The following TMEM8B variants were observed in gnomAD, a reference collection of about 807,000 sequenced individuals.
TMEM8B encodes the protein transmembrane protein 8B.
In TMEM8B, 29 loss-of-function variants were observed where a neutral mutation model predicts 49.3. That is an observed-to-expected ratio of 0.59 (90% CI 0.44 to 0.80). The LOEUF is 0.80. Among genes scored for constraint, TMEM8B ranks in the 30% least tolerant of loss-of-function variants. TMEM8B has a pLI of 0.00. For synonymous variants in TMEM8B, 264 were observed against 272.8 expected, an observed-to-expected ratio of 0.97 and a Z score of 0.32; for missense variants, 575 against 658.5, an observed-to-expected ratio of 0.87 and a Z score of 1.39.
At chr9:35,838,994 C>T (rs907402330) in intron 3 of TMEM8B, among the ~76,000 whole-genome samples, 2 of 152,258 alleles carry the variant, frequency 1.3e-5, no homozygotes, top group Admixed American at 1.3e-4. Flanking sequence ...TGCTTTCACC[C>T]TTGCCCCCTG....
intron 3 of TMEM8B, 175 bp downstream of exon 3, chr9:35,835,393 G>C (rs981624438): frequency 5.0e-6 from 2 of 397,452 alleles, no homozygotes; most frequent in African/African-American, 2.1e-5. Flanking sequence ...CAGAGGCCAT[G>C]ATCTGGAGGA....
At chr9:35,851,173 T>C (rs1343253427) in intron 10 of TMEM8B, among the ~76,000 whole-genome samples, 3 of 152,206 alleles carry the variant, frequency 2.0e-5, no homozygotes, top group Non-Finnish European at 4.4e-5. Context: ...TGCAGTGGCA[T>C]GATCACAGCT....
rs1021545580 is a variant in TMEM8B at position 35,842,473 on chromosome 9, T to C, written c.1391T>C (p.Leu464Pro). 1.3e-6 allele frequency: 2 copies of C among 1,594,582 alleles called. No homozygotes were observed. The highest frequency in any genetic ancestry group is 8.6e-7 in the Non-Finnish European group (1 of 1,167,542). ...NMPQSLGNQP[L>P]PPEPPSLGTP... ...CCCCAGTCCCTGGGCAACCAGCCAC[T>C]GCCCCCAGAACCGCCATCCCTTGGA... The change falls in exon 6 of 13, where the codon CTG becomes CCG. Residue 464 changes from leucine (L) to proline (P), a missense_variant. Leu to Pro is a moderately conservative substitution (Grantham distance 98). Coordinates refer to ENST00000643932, the MANE Select transcript of TMEM8B (RefSeq NM_001042590.4). The surrounding 1 kb of genome is among the most constrained non-coding windows in gnomAD (Gnocchi z 5.6).
intron 10 of TMEM8B, among the ~76,000 whole-genome samples, 165 bp from the exon 11 acceptor site, chr9:35,852,659 ATTC>A (rs1407505491): frequency 6.6e-6 from 1 of 152,080 alleles, no homozygotes; most frequent in Non-Finnish European, 1.5e-5. Flanking sequence ...TCCTTACCAC[ATTC>A]TTCTCAGGAT....
chr9:35,829,283 G>A lies in TMEM8B; in HGVS notation c.-165G>A. 1 of 361,144 alleles carries A rather than the reference G, an allele frequency of 2.8e-6. No homozygotes were observed. Among genetic ancestry groups the A allele is most frequent in the South Asian group, 1.5e-4 (1 of 6,780 alleles). 22.4% of individuals were successfully genotyped at this position (361,144 alleles called of 1,614,324 possible). On this transcript the variant is annotated 5_prime_UTR_variant, in exon 1 of 13. Transcript: ENST00000643932. ...GGGGCCTGGTTATCGCCGGTTCAGC[G>A]CAGCCCGGAGTCGCCCAGGCCTGAA...
chr9:35,850,224 C>G (rs925775474), intron 10 of TMEM8B, among the ~76,000 whole-genome samples: 1 of 152,120 alleles, frequency 6.6e-6, no homozygotes, highest in Admixed American at 6.5e-5. Flanking sequence ...GCATTAGATG[C>G]ACTGTTACAA....
chr9:35,836,623 A>G (rs1031871549), intron 3 of TMEM8B, among the ~76,000 whole-genome samples: 2 of 152,188 alleles, frequency 1.3e-5, no homozygotes, highest in African/African-American at 4.8e-5. Flanking sequence ...TGGGGAATAG[A>G]GATAGTAGTG....
rs11392556 is a variant in TMEM8B, at chr9:35,858,108, C to CTT, written c.*4281_*4282dup. The CTT allele has an allele frequency of 8.8e-3, 1,255 of 142,094 alleles. 18 individuals are homozygous for CTT. The highest frequency in any genetic ancestry group is 0.025 in the African/African-American group (938 of 38,002). The allele number at this position is 142,094 out of a possible 1,614,324, so 8.8% of individuals were successfully genotyped here. A position where few individuals can be genotyped will look rare whatever the true frequency, so the allele number is the denominator to read the frequency against. Reference sequence around the variant, plus strand: ...GCTGTTCCATTTTTTTTCTTTCTTTCTTTTTTTTTTTTTTGAGACGGAGTC... The same window carrying CTT: ...GCTGTTCCATTTTTTTTCTTTCTTTCTTTTTTTTTTTTTTTTGAGACGGAGTC... On this transcript the variant is annotated 3_prime_UTR_variant, in exon 13 of 13. Transcript: ENST00000643932.
rs1476486329 is a variant in TMEM8B, at chr9:35,829,323, C to G, written c.-125C>G. On this transcript the variant is annotated 5_prime_UTR_variant, in exon 1 of 13. Coordinates refer to ENST00000643932, the MANE Select transcript of TMEM8B (RefSeq NM_001042590.4). Reference sequence around the variant, plus strand: ...CCAGGCCTGAACTCCTACCCAGGTCCCCGGCCCCCGCCCCGGGCCCGCGAG... The same window carrying G: ...CCAGGCCTGAACTCCTACCCAGGTCGCCGGCCCCCGCCCCGGGCCCGCGAG... 2.7e-6 allele frequency: 1 copy of G among 369,544 alleles called. No individual in the cohort carries two copies. Among genetic ancestry groups the G allele is most frequent in the Non-Finnish European group, 4.8e-6 (1 of 207,250 alleles). 22.9% of individuals were successfully genotyped at this position (369,544 alleles called of 1,614,324 possible). A position where few individuals can be genotyped will look rare whatever the true frequency, so the allele number is the denominator to read the frequency against.
intron 9 of TMEM8B, 57 bp from the exon 10 acceptor site, chr9:35,846,760 G>T: frequency 6.4e-7 from 1 of 1,567,582 alleles, no homozygotes; most frequent in Non-Finnish European, 8.6e-7. Context: ...ACAAGCTGTG[G>T]CGTAGGCCCA....
At position 35,841,773 on chromosome 9, in the gene TMEM8B, C is replaced by T; in HGVS notation, c.1288C>T (p.Gln430Ter). Reference sequence around the variant, plus strand: ...GGGCCCTGGTAGGACCATCCGCTTCCAGCTGTGTGTGCGGTTGCAAGGTCA... The same window carrying T: ...GGGCCCTGGTAGGACCATCCGCTTCTAGCTGTGTGTGCGGTTGCAAGGTCA... ...SRGPGRTIRF[Q>*]LCVRLQECPQ... The change falls in exon 5 of 13, where the codon CAG (glutamine) becomes TAG (stop). Residue 430 changes from glutamine (Q) to a stop codon, truncating the protein, a stop_gained. Coordinates refer to ENST00000643932, the MANE Select transcript of TMEM8B (RefSeq NM_001042590.4). LOFTEE classifies it high-confidence loss of function. This position sits in a 1 kb window ranked among gnomAD's most constrained non-coding sequence, Gnocchi z 5.9. The T allele has an allele frequency of 4.8e-6, 2 of 416,042 alleles. No homozygotes were observed. Among genetic ancestry groups the T allele is most frequent in the Non-Finnish European group, 8.8e-6 (2 of 226,522 alleles). The allele number at this position is 416,042 out of a possible 1,614,324, so 25.8% of individuals were successfully genotyped here. A position where few individuals can be genotyped will look rare whatever the true frequency, so the allele number is the denominator to read the frequency against.
chr9:35,843,080 G>C (rs1831182428), intron 6 of TMEM8B, among the ~76,000 whole-genome samples: 1 of 152,164 alleles, frequency 6.6e-6, no homozygotes, highest in Non-Finnish European at 1.5e-5. Context: ...GGATAGCGCT[G>C]ATTGCCAAAG....
chr9:35,846,514 C>A lies in TMEM8B; in HGVS notation c.1899C>A (p.Thr633=). ...CGACGGCCGAGGTGCGGATGCGCAC[C>A]TTCCTGTCCCCATGCGTGGACGACT... The part of the protein sequence containing the change: ...RNATAEVRMR[T]FLSPCVDDCG... Residue 633 remains threonine, a synonymous_variant, in exon 9 of 13, where the codon ACC becomes ACA. Transcript: ENST00000643932. 6.3e-7 allele frequency: 1 copy of A among 1,592,946 alleles called. No individual in the cohort carries two copies. Among genetic ancestry groups the A allele is most frequent in the South Asian group, 1.1e-5 (1 of 88,786 alleles).
intron 10 of TMEM8B, chr9:35,847,211 TTAA>T (rs776868399): frequency 6.6e-6 from 10 of 1,510,034 alleles, no homozygotes; most frequent in South Asian, 1.1e-5. Flanking sequence ...TGTTTGCAAC[TTAA>T]TAAAGTAAGT....
In TMEM8B at chr9:35,852,869, AT is replaced by A; in HGVS notation, c.2219del (p.Ile740ThrfsTer16). 1 of 1,614,168 alleles carries A rather than the reference AT, an allele frequency of 6.2e-7. No individual in the cohort carries two copies. Among genetic ancestry groups the A allele is most frequent in the Non-Finnish European group, 8.5e-7 (1 of 1,180,028 alleles). On this transcript the variant is annotated frameshift_variant, in exon 11 of 13. Transcript: ENST00000643932. LOFTEE classifies it high-confidence loss of function. ...CDQPGIVVFC[I>X]MDYDVLQFCD... is the part of the protein sequence containing the mutation. The stretch of plus-strand genomic sequence containing the variant: ...CCAGCCAGGCATCGTGGTTTTCTGC[AT>A]CATGGACTACGATGTGCTGCAGTTC...
rs750135917 is a variant in TMEM8B, at chr9:35,841,148, G to A, written c.921G>A (p.Glu307=). The A allele has an allele frequency of 7.2e-6, 3 of 415,878 alleles. No individual in the cohort carries two copies. Among genetic ancestry groups the A allele is most frequent in the Non-Finnish European group, 1.3e-5 (3 of 226,500 alleles). 25.8% of individuals were successfully genotyped at this position (415,878 alleles called of 1,614,324 possible). ...GHISVKGLQD[E]CQYLLQPQLI... is the part of the protein sequence containing the mutation. ...TTTTGTCCCAGGGTCTCCAGGATGAGTGTCAGTACCTCCTTCAGCCGCAGC... is the reference window on the plus strand; with the variant it reads ...TTTTGTCCCAGGGTCTCCAGGATGAATGTCAGTACCTCCTTCAGCCGCAGC... The change falls in exon 4 of 13, where the codon GAG becomes GAA. Residue 307 remains glutamate (E), a synonymous_variant. Coordinates refer to ENST00000643932, the MANE Select transcript of TMEM8B (RefSeq NM_001042590.4). The surrounding 1 kb of genome is among the most constrained non-coding windows in gnomAD (Gnocchi z 5.9).
intron 3 of TMEM8B, among the ~76,000 whole-genome samples, chr9:35,838,488 T>C (rs529021673): frequency 2.0e-5 from 3 of 152,094 alleles, no homozygotes; most frequent in African/African-American, 7.2e-5. Context: ...TTTTCACTTT[T>C]CTATTCTCTT....
At chr9:35,851,943 A>AT (rs57792829) in intron 10 of TMEM8B, among the ~76,000 whole-genome samples, 2,515 of 152,264 alleles carry the variant, frequency 0.017, 70 homozygotes, top group African/African-American at 0.057. Context: ...TGTTTTCCAG[A>AT]TTTTTTGGTG....
chr9:35,855,638 C>G lies in TMEM8B; in HGVS notation c.*1798C>G, dbSNP rs1832504252. 1 of 152,286 alleles carries G rather than the reference C, an allele frequency of 6.6e-6. No homozygotes were observed. The highest frequency in any genetic ancestry group is 2.4e-5 in the African/African-American group (1 of 41,448). The allele number at this position is 152,286 out of a possible 1,614,324, so 9.4% of individuals were successfully genotyped here. ...CAAACTCCCGGCCTCAGGTGATCCA[C>G]CCGCCTCGGCCTCCCAAAGTGCTGG... On this transcript the variant is annotated 3_prime_UTR_variant, in exon 13 of 13. Transcript: ENST00000643932.
Sources: gnomAD v4.1 joint callset for allele counts (sites outside exome capture counted in the v4.1 genomes callset) on GRCh38, gnomAD v4.1.1 for gene constraint, Gnocchi (gnomAD v3.1) non-coding constraint, MANE v1.5 for transcripts, NCBI Gene and HGNC (gene_info 2026-07-23, HGNC 2026-07-21) for gene names.